Variants in HSD17B12 observed in about 807,000 individuals in gnomAD.
The protein encoded by HSD17B12 is hydroxysteroid 17-beta dehydrogenase 12.
A neutral mutation model predicts 39.3 loss-of-function variants in HSD17B12; 32 were observed. The ratio of observed to expected loss-of-function variants is 0.81; its 90% CI spans 0.61 to 1.09. The LOEUF is 1.09. Among genes scored for constraint, HSD17B12 ranks in the 50% least tolerant of loss-of-function variants. The pLI, the probability that HSD17B12 is intolerant of heterozygous loss-of-function variation, is 0.00. For missense variants in HSD17B12, 342 were observed against 382.9 expected, an observed-to-expected ratio of 0.89 and a Z score of 0.89; for synonymous variants, 150 against 146.7, an observed-to-expected ratio of 1.02 and a Z score of -0.16.
intron 4 of HSD17B12, chr11:43,806,361 C>T (rs1393008923): frequency 6.6e-6 from 1 of 152,068 alleles, no homozygotes; most frequent in African/African-American, 2.4e-5. Flanking sequence ...CGAAGAAACT[C>T]AATATATTGA....
chr11:43,790,169 T>A lies in HSD17B12; in HGVS notation c.284-8151T>A, dbSNP rs1950854061. ...CCTTGGAATAGATAACATACAATAA[T>A]TTAAAGGTTAATTACAAGCAAATTG... On this transcript the variant is annotated intron_variant, in intron 3 of 10. Coordinates refer to ENST00000278353, the MANE Select transcript of HSD17B12 (RefSeq NM_016142.3). Among the ~76,000 whole-genome samples the A allele has an allele frequency of 2.6e-5, 4 of 152,136 alleles. No homozygotes were observed. The South Asian group carries it at 8.3e-4, about 31-fold the overall frequency.
At chr11:43,753,094 T>G (rs532357232) in intron 2 of HSD17B12, among the ~76,000 whole-genome samples, 158 of 152,296 alleles carry the variant, frequency 1.0e-3, no homozygotes, top group African/African-American at 3.7e-3. Flanking sequence ...ATTAGTGCTT[T>G]TTTTCCTCTA....
At chr11:43,773,302 GGT>G (rs1186559359) in intron 3 of HSD17B12, among the ~76,000 whole-genome samples, 2 of 152,106 alleles carry the variant, frequency 1.3e-5, no homozygotes, top group African/African-American at 4.8e-5. Context: ...GGAGTGTAGT[GGT>G]GTGATCATAG....
At chr11:43,719,615 CAAA>C (rs756654421) in intron 1 of HSD17B12, among the ~76,000 whole-genome samples, 1,415 of 137,708 alleles carry the variant, frequency 0.01, 12 homozygotes, top group Non-Finnish European at 0.016. Context: ...ACAAGGACTT[CAAA>C]AAAAAAAAAA....
At chr11:43,735,964 A>G (rs1340023424) in intron 1 of HSD17B12, among the ~76,000 whole-genome samples, 3 of 152,090 alleles carry the variant, frequency 2.0e-5, no homozygotes, top group South Asian at 2.1e-4. Context: ...GAGAATTCCT[A>G]TTTTCATGAG....
chr11:43,650,935 A>G, the HSD17B12 span, among the ~76,000 whole-genome samples: 7 of 152,330 alleles, frequency 4.6e-5, no homozygotes, highest in African/African-American at 1.4e-4. Context: ...TAGCTATCTC[A>G]GTTGGATTGA....
At chr11:43,753,217 CTTTA>C (rs542530899) in intron 2 of HSD17B12, among the ~76,000 whole-genome samples, 33 of 151,948 alleles carry the variant, frequency 2.2e-4, no homozygotes, top group Admixed American at 8.5e-4. Context: ...TCAGGAAATT[CTTTA>C]TTTATTCAAT....
intron 1 of HSD17B12, among the ~76,000 whole-genome samples, chr11:43,712,465 C>T (rs1950076569): frequency 6.6e-6 from 1 of 151,948 alleles, no homozygotes; most frequent in African/African-American, 2.4e-5. Flanking sequence ...GTCTCCACAA[C>T]CCCTTATCTT....
chr11:43,681,296 G>A (rs181306511), intron 1 of HSD17B12: 24 of 379,416 alleles, frequency 6.3e-5, no homozygotes, highest in African/African-American at 5.1e-4. Flanking sequence ...CCGTGTTCAT[G>A]GAGCCAGTCA....
At chr11:43,642,614 A>C in the HSD17B12 span, among the ~76,000 whole-genome samples, 2 of 151,832 alleles carry the variant, frequency 1.3e-5, no homozygotes, top group Non-Finnish European at 3.0e-5. Flanking sequence ...AATATATAAA[A>C]TACGCTTTAA....
At chr11:43,643,543 TTATC>T in the HSD17B12 span, among the ~76,000 whole-genome samples, 10 of 152,184 alleles carry the variant, frequency 6.6e-5, no homozygotes, top group South Asian at 1.0e-3. Flanking sequence ...ATATTTCTGA[TTATC>T]TATCAAGAGA....
chr11:43,574,554 T>C, the HSD17B12 span, among the ~76,000 whole-genome samples: 1 of 152,244 alleles, frequency 6.6e-6, no homozygotes, highest in Non-Finnish European at 1.5e-5. Flanking sequence ...CCATCACTCA[T>C]CAATCAAGAA....
chr11:43,841,791 C>T (rs1467452789), intron 9 of HSD17B12, among the ~76,000 whole-genome samples: 2 of 152,202 alleles, frequency 1.3e-5, no homozygotes, highest in Admixed American at 6.5e-5. Context: ...GTCTGGTGTT[C>T]ATTGTGGCTT....
chr11:43,736,294 TG>T (rs1195600233), intron 1 of HSD17B12, among the ~76,000 whole-genome samples: 1 of 152,128 alleles, frequency 6.6e-6, no homozygotes, highest in Non-Finnish European at 1.5e-5. Context: ...GTTTTTTTTT[TG>T]TTTTCGTTTT....
chr11:43,854,959 T>C (rs1951568640), intron 10 of HSD17B12, 95 bp downstream of exon 10: 1 of 1,286,224 alleles, frequency 7.8e-7, no homozygotes, highest in East Asian at 2.4e-5. Flanking sequence ...TTAGCACATA[T>C]ACATTGTCCA....
At chr11:43,597,760 G>A in the HSD17B12 span, among the ~76,000 whole-genome samples, 46 of 152,166 alleles carry the variant, frequency 3.0e-4, no homozygotes, top group Non-Finnish European at 6.2e-4. Flanking sequence ...TCAGCCTCCC[G>A]AGGAGCTGGA....
intron 1 of HSD17B12, among the ~76,000 whole-genome samples, chr11:43,736,682 C>G (rs934381287): frequency 6.6e-6 from 1 of 152,068 alleles, no homozygotes; most frequent in Non-Finnish European, 1.5e-5. Flanking sequence ...TTAGAGTGGT[C>G]TTATATTGCA....
At chr11:43,587,937 T>C in the HSD17B12 span, among the ~76,000 whole-genome samples, 1 of 152,216 alleles carries the variant, frequency 6.6e-6, no homozygotes, top group Non-Finnish European at 1.5e-5. Flanking sequence ...GTAGACTGGC[T>C]GCTTCCATGT....
chr11:43,749,376 A>AT lies in HSD17B12; in HGVS notation c.161-1534dup, dbSNP rs548766036. Among the ~76,000 whole-genome samples the AT allele has an allele frequency of 2.5e-4, 38 of 152,306 alleles. 1 individual carries two copies. The South Asian group carries it at 7.7e-3, about 31-fold the overall frequency. On this transcript the variant is annotated intron_variant, in intron 1 of 10. Coordinates refer to ENST00000278353, the MANE Select transcript of HSD17B12 (RefSeq NM_016142.3). ...ATTTGGCAGAATTTATAGTGATTAC[A>AT]TATTGGATGTCAAGGAATTGTTATT...
Sources: gnomAD v4.1 joint callset for allele counts (sites outside exome capture counted in the v4.1 genomes callset) on GRCh38, gnomAD v4.1.1 for gene constraint, MANE v1.5 for transcripts, NCBI Gene and HGNC (gene_info 2026-07-23, HGNC 2026-07-21) for gene names.